KDM1A: variants seen among roughly 807,000 people sequenced by gnomAD.
KDM1A encodes the protein lysine-specific histone demethylase 1A.
In KDM1A, 49 loss-of-function variants were observed where a neutral mutation model predicts 109.4. The ratio of observed to expected loss-of-function variants is 0.45; its 90% CI spans 0.36 to 0.57. KDM1A has a LOEUF of 0.57. KDM1A is among the 20% of genes least tolerant of loss of function. The pLI, the probability that KDM1A is intolerant of heterozygous loss-of-function variation, is 0.00. For synonymous variants in KDM1A, 380 were observed against 415.4 expected (o/e 0.91, Z 1.04); for missense variants, 668 against 1,116.6 (o/e 0.60, Z 5.73).
At chr1:23,050,588 G>T in intron 4 of KDM1A, 68 bp downstream of exon 4, 2 of 1,266,776 alleles carry the variant, frequency 1.6e-6, no homozygotes, top group South Asian at 2.0e-5. Context: ...AGAGAATATG[G>T]GAAAAATAAA....
At chr1:23,051,008 C>T (rs184093080) in intron 4 of KDM1A, among the ~76,000 whole-genome samples, 289 of 152,258 alleles carry the variant, frequency 1.9e-3, no homozygotes, top group Middle Eastern at 6.8e-3. Flanking sequence ...TCGCTTGAAC[C>T]TAGGAGGTGG....
intron 3 of KDM1A, among the ~76,000 whole-genome samples, chr1:23,049,191 C>T (rs1022237993): frequency 2.4e-4 from 36 of 147,370 alleles, no homozygotes; most frequent in African/African-American, 8.5e-4. Flanking sequence ...ATATGGATAT[C>T]TGGCGCCTAT....
intron 18 of KDM1A, 95 bp from the exon 19 acceptor site, chr1:23,081,351 A>G: frequency 7.1e-7 from 1 of 1,418,324 alleles, no homozygotes; most frequent in African/African-American, 1.4e-5. Flanking sequence ...TTGTCATCAG[A>G]TTTCAGAGCA....
chr1:23,030,322 C>CTAT, intron 1 of KDM1A, 147 bp from the exon 2 acceptor site: 2 of 490,970 alleles, frequency 4.1e-6, no homozygotes, highest in Non-Finnish European at 6.8e-6. Context: ...TAATAACTAC[C>CTAT]TATTATGAGC....
At chr1:23,056,176 G>A in intron 7 of KDM1A, 138 bp downstream of exon 7, 1 of 502,926 alleles carries the variant, frequency 2.0e-6, no homozygotes, top group Non-Finnish European at 3.5e-6. Flanking sequence ...TTTGGATAGT[G>A]TTATTTATAT....
At chr1:23,076,913 C>T (rs753902828) in intron 15 of KDM1A, among the ~76,000 whole-genome samples, 5 of 150,148 alleles carry the variant, frequency 3.3e-5, no homozygotes, top group Non-Finnish European at 7.4e-5. Flanking sequence ...TGCAATGAGC[C>T]GAGAGCACGC....
intron 5 of KDM1A, among the ~76,000 whole-genome samples, chr1:23,054,628 C>CT (rs1395591044): frequency 2.0e-5 from 3 of 151,910 alleles, no homozygotes; most frequent in African/African-American, 4.8e-5. Context: ...GAGTCGGGGT[C>CT]TTTACAGTGA....
Position 23,055,844 on chromosome 1 carries a change from A to G in KDM1A, c.884-88A>G, listed in dbSNP as rs1453754848. ...TTTTTACTTTGTAAGCTATTATGTTAAGAACCTAGAGGTTTTCATGAAATA... is the reference window on the plus strand; with the variant it reads ...TTTTTACTTTGTAAGCTATTATGTTGAGAACCTAGAGGTTTTCATGAAATA... On this transcript the variant is annotated intron_variant, in intron 6 of 20. Transcript: ENST00000400181. The G allele has an allele frequency of 4.3e-6, 3 of 694,326 alleles. No individual in the cohort carries two copies. The African/African-American group carries it at 5.4e-5, about 13-fold the overall frequency. 43.0% of individuals were successfully genotyped at this position (694,326 alleles called of 1,614,324 possible).
chr1:23,048,136 T>G (rs2143156), intron 3 of KDM1A, among the ~76,000 whole-genome samples: 46,902 of 151,996 alleles, frequency 0.31, 7,294 homozygotes, highest in Middle Eastern at 0.42. Context: ...TAGTATATAC[T>G]TATGAATTAT....
At chr1:23,072,290 T>C in intron 14 of KDM1A, 93 bp downstream of exon 14, 2 of 898,678 alleles carry the variant, frequency 2.2e-6, no homozygotes, top group Non-Finnish European at 3.6e-6. Flanking sequence ...AATGAGCTTT[T>C]ATTTATGTTC....
chr1:23,079,111 T>C lies in KDM1A; in HGVS notation c.1989T>C (p.Phe663=), dbSNP rs754186898. 6.2e-7 allele frequency: 1 copy of C among 1,614,196 alleles called. No individual in the cohort carries two copies. ...AGCAGCAGCCACCAGCCGTTCAGTT[T>C]GTGCCACCTCTCCCTGAGTGGAAAA... ...VLKQQPPAVQ[F]VPPLPEWKTS... The change falls in exon 17 of 21, where the codon TTT becomes TTC. Residue 663 remains phenylalanine, a synonymous_variant. Transcript: ENST00000400181. The surrounding 1 kb of genome is among the most constrained non-coding windows in gnomAD (Gnocchi z 5.6).
chr1:23,071,516 G>C (rs1357659718), intron 13 of KDM1A, among the ~76,000 whole-genome samples, 157 bp downstream of exon 13: 2 of 152,300 alleles, frequency 1.3e-5, no homozygotes, highest in African/African-American at 2.4e-5. Context: ...GATTTAATGG[G>C]TTAGTTCGGT....
At chr1:23,033,169 G>C (rs560674151) in intron 2 of KDM1A, among the ~76,000 whole-genome samples, 173 of 152,274 alleles carry the variant, frequency 1.1e-3, no homozygotes, top group African/African-American at 4.1e-3. Context: ...CTGTGGGTTT[G>C]TTTCTCTACC....
At chr1:23,075,495 C>T (rs1449517472) in intron 15 of KDM1A, among the ~76,000 whole-genome samples, 2 of 151,510 alleles carry the variant, frequency 1.3e-5, no homozygotes, top group East Asian at 3.9e-4. Context: ...TGCCTGAACC[C>T]AGGAGGCAGA....
chr1:23,036,254 A>G (rs1642140147), intron 2 of KDM1A, among the ~76,000 whole-genome samples: 1 of 152,088 alleles, frequency 6.6e-6, no homozygotes, highest in Non-Finnish European at 1.5e-5. Context: ...TTACATCCCC[A>G]GGCCCAGCAG....
At chr1:23,021,000 G>A (rs1641609983) in intron 1 of KDM1A, among the ~76,000 whole-genome samples, 1 of 152,158 alleles carries the variant, frequency 6.6e-6, no homozygotes, top group African/African-American at 2.4e-5. Context: ...ATATGTGCGT[G>A]TAGTCAACAT....
In KDM1A at chr1:23,083,642, T is replaced by G. The variant is rs1643687375; in HGVS notation, c.*278T>G. The G allele has an allele frequency of 8.4e-6, 2 of 238,480 alleles. No homozygotes were observed. Among genetic ancestry groups the G allele is most frequent in the Non-Finnish European group, 1.5e-5 (2 of 135,928 alleles). 14.8% of individuals were successfully genotyped at this position (238,480 alleles called of 1,614,324 possible). A position where few individuals can be genotyped will look rare whatever the true frequency, so the allele number is the denominator to read the frequency against. ...CATCTTAGTCCCTTGGTGTGTGGGG[T>G]TTTTGTTTTTTTTTTATATTTTGAG... On this transcript the variant is annotated 3_prime_UTR_variant, in exon 21 of 21. Transcript: ENST00000400181.
chr1:23,049,180 T>C (rs1461379286), intron 3 of KDM1A, among the ~76,000 whole-genome samples: 3 of 141,632 alleles, frequency 2.1e-5, no homozygotes, highest in Non-Finnish European at 4.6e-5. Context: ...AAAAAAATTA[T>C]ATATGGATAT....
At position 23,066,820 on chromosome 1, in the gene KDM1A, G is replaced by A. The variant is rs140489396; in HGVS notation, c.1179+749G>A. Among the ~76,000 whole-genome samples the A allele has an allele frequency of 3.2e-3, 482 of 152,268 alleles. 2 individuals carry two copies. Among genetic ancestry groups the A allele is most frequent in the African/African-American group, 0.011 (465 of 41,548 alleles). On this transcript the variant is annotated intron_variant, in intron 10 of 20. Transcript: ENST00000400181. ...ATTTAGATTTCCAGAACCATCTTTT[G>A]TAGCATCATTGCAGGATTTGCACTA...
Sources: allele counts gnomAD v4.1 joint callset (sites outside exome capture counted in the v4.1 genomes callset), GRCh38; gene constraint gnomAD v4.1.1; non-coding constraint Gnocchi (gnomAD v3.1); transcripts MANE v1.5; gene names NCBI Gene and HGNC (gene_info 2026-07-23, HGNC 2026-07-21).